The following SYCP2 variants were observed in gnomAD, a reference collection of about 807,000 sequenced individuals.
SYCP2 encodes the protein synaptonemal complex lateral element protein.
SYCP2 carries 55 observed loss-of-function variants against 211.3 expected under a neutral mutation model. The observed-to-expected ratio is 0.26, with a 90% confidence interval of 0.21 to 0.33. The LOEUF (loss-of-function observed/expected upper bound fraction) is 0.33. Ranked by LOEUF, SYCP2 falls within the 10% of genes least tolerant of loss-of-function variation. The pLI, the probability that SYCP2 is intolerant of heterozygous loss-of-function variation, is 1.00. For synonymous variants in SYCP2, 570 were observed against 555.2 expected, an observed-to-expected ratio of 1.03 and a Z score of -0.37; for missense variants, 1,731 against 1,752.0, an observed-to-expected ratio of 0.99 and a Z score of 0.21.
In SYCP2 at chr20:59,919,519, T is replaced by C. The variant is rs1326746814; in HGVS notation, c.376A>G (p.Ile126Val). Residue 126 changes from isoleucine (I) to valine (V), a missense_variant, in exon 6 of 45, where the codon ATA (isoleucine) becomes GTA (valine). Physicochemically the swap from Ile to Val is conservative, Grantham distance 29 (BLOSUM62 3). Coordinates refer to ENST00000357552, the MANE Select transcript of SYCP2 (RefSeq NM_014258.4). The stretch of plus-strand genomic sequence containing the variant: ...AGCAGAAGATCAACTAAGTCTTCTA[T>C]CATATTTAGAACAGCTTCATCTTTT... ...NSKDEAVLNM[I>V]EDLVDLLLVI... 4 of 1,605,098 alleles carry C rather than the reference T, an allele frequency of 2.5e-6. No homozygotes were observed. The highest frequency in any genetic ancestry group is 1.7e-5 in the Admixed American group (1 of 59,326).
rs530553831 is a variant in SYCP2 at position 59,870,238 on chromosome 20, T to G, written c.3556-255A>C. Among the ~76,000 whole-genome samples, 5 of 151,860 alleles carry G rather than the reference T, an allele frequency of 3.3e-5. No homozygotes were observed. The East Asian group carries it at 9.7e-4, about 29-fold the overall frequency. On this transcript the variant is annotated intron_variant, in intron 35 of 44. Coordinates refer to ENST00000357552, the MANE Select transcript of SYCP2 (RefSeq NM_014258.4). ...TATGCTCCAGAGGTCAAAGTCACCT[T>G]AACAAGAACACGAATAAGAATTTTT...
intron 15 of SYCP2, among the ~76,000 whole-genome samples, chr20:59,905,897 AGGAG>A (rs1409238492): frequency 1.3e-5 from 2 of 152,172 alleles, no homozygotes; most frequent in Non-Finnish European, 2.9e-5. Context: ...ACAAAAGGAA[AGGAG>A]GGAGGGAGTG....
chr20:59,914,017 A>G lies in SYCP2; in HGVS notation c.788T>C (p.Ile263Thr). The change falls in exon 12 of 45, where the codon ATA (isoleucine) becomes ACA (threonine). Residue 263 changes from isoleucine to threonine, a missense_variant. Transcript: ENST00000357552. ...CATGCCATTTACAAGGTTGAGAAAT[A>G]TCCTGCAATCCTAATTTTAAAGAGA... The part of the protein sequence containing the change: ...KDSEFETDCR[I>T]FLNLVNGMLG... The G allele has an allele frequency of 6.3e-7, 1 of 1,596,134 alleles. No individual in the cohort carries two copies. Among genetic ancestry groups the G allele is most frequent in the African/African-American group, 1.3e-5 (1 of 74,262 alleles).
intron 2 of SYCP2, among the ~76,000 whole-genome samples, chr20:59,926,065 G>A (rs2060628886): frequency 6.6e-6 from 1 of 151,996 alleles, no homozygotes; most frequent in Admixed American, 6.6e-5. Context: ...GAATCTGCTG[G>A]GAGACAGTCT....
intron 15 of SYCP2, among the ~76,000 whole-genome samples, chr20:59,904,315 G>A (rs527980548): frequency 1.3e-5 from 2 of 152,146 alleles, no homozygotes; most frequent in South Asian, 2.1e-4. Flanking sequence ...TAGAGTGAAC[G>A]GCTCGAGAGC....
At position 59,900,856 on chromosome 20, in the gene SYCP2, C is replaced by T. The variant is rs754250155; in HGVS notation, c.1183-38G>A. 8.7e-6 allele frequency: 12 copies of T among 1,375,714 alleles called. No homozygotes were observed. The East Asian group carries it at 2.8e-4, about 32-fold the overall frequency. The allele number at this position is 1,375,714 out of a possible 1,614,324, so 85.2% of individuals were successfully genotyped here. A position where few individuals can be genotyped will look rare whatever the true frequency, so the allele number is the denominator to read the frequency against. ...CAATTCACAGTGATGACATTTTCTT[C>T]ATTTTCTTTCCACTTTTTCATATGT... On this transcript the variant is annotated intron_variant, in intron 16 of 44. Transcript: ENST00000357552.
chr20:59,923,542 A>AT (rs967710075), intron 2 of SYCP2, among the ~76,000 whole-genome samples: 10 of 151,130 alleles, frequency 6.6e-5, no homozygotes, highest in Non-Finnish European at 7.4e-5. Flanking sequence ...CTACAAAAAA[A>AT]TTTTTTTTTA....
At chr20:59,886,489 T>C (rs975959974) in intron 25 of SYCP2, among the ~76,000 whole-genome samples, 10 of 152,014 alleles carry the variant, frequency 6.6e-5, no homozygotes, top group South Asian at 6.2e-4. Flanking sequence ...TTTGATCCTA[T>C]ATAAAATGTA....
At chr20:59,920,050 G>T (rs537489010) in intron 5 of SYCP2, among the ~76,000 whole-genome samples, 81 of 151,634 alleles carry the variant, frequency 5.3e-4, no homozygotes, top group African/African-American at 1.9e-3. Flanking sequence ...TACCCTACAT[G>T]CTAGCATGGG....
chr20:59,892,351 C>T lies in SYCP2; in HGVS notation c.2003G>A (p.Gly668Glu). 6.3e-7 allele frequency: 1 copy of T among 1,599,906 alleles called. No homozygotes were observed. The highest frequency in any genetic ancestry group is 1.1e-5 in the South Asian group (1 of 90,520). ...TTGTTCTTTCTTATATTTCACTTTT[C>T]CTGTTCCTTCAGAATTATGATCAGA... The part of the protein sequence containing the change: ...SISDHNSEGT[G>E]KVKYKKEQTD... The change falls in exon 24 of 45, where the codon GGA becomes GAA. Residue 668 changes from glycine to glutamate, a missense_variant. This residue lies in a region of SYCP2 where 1,387 missense variants were observed against 1,351.3 expected (regional missense o/e 1.03). Transcript: ENST00000357552.
intron 2 of SYCP2, among the ~76,000 whole-genome samples, chr20:59,923,997 ATT>A (rs1422123058): frequency 1.3e-5 from 2 of 151,938 alleles, no homozygotes; most frequent in African/African-American, 4.8e-5. Flanking sequence ...GCTCTGACAT[ATT>A]GACTATTTTA....
intron 10 of SYCP2, among the ~76,000 whole-genome samples, chr20:59,914,477 A>T (rs1025092566): frequency 3.3e-5 from 5 of 151,972 alleles, no homozygotes; most frequent in Admixed American, 1.3e-4. Context: ...AGTAAAATTT[A>T]AAAAAATGTT....
chr20:59,887,625 G>T (rs1193449241), intron 24 of SYCP2, among the ~76,000 whole-genome samples: 1 of 152,070 alleles, frequency 6.6e-6, no homozygotes, highest in Non-Finnish European at 1.5e-5. Context: ...CAGTGTAAAA[G>T]TGTTCCTATT....
chr20:59,932,936 G>C (rs1191333946), intron 1 of SYCP2, among the ~76,000 whole-genome samples: 3 of 152,108 alleles, frequency 2.0e-5, no homozygotes, highest in Non-Finnish European at 2.9e-5. Flanking sequence ...TTCCCTAAGT[G>C]GAACCGGCAG....
At chr20:59,889,512 C>T (rs1400394797) in intron 24 of SYCP2, among the ~76,000 whole-genome samples, 1 of 151,882 alleles carries the variant, frequency 6.6e-6, no homozygotes, top group Non-Finnish European at 1.5e-5. Context: ...TTTATATTTA[C>T]TTTTCTCTGG....
intron 2 of SYCP2, among the ~76,000 whole-genome samples, chr20:59,930,779 A>C (rs1268000140): frequency 6.6e-6 from 1 of 152,200 alleles, no homozygotes; most frequent in Non-Finnish European, 1.5e-5. Flanking sequence ...AAATTTTTTA[A>C]GGAAACAATT....
chr20:59,924,437 G>C (rs894377074), intron 2 of SYCP2, among the ~76,000 whole-genome samples: 1 of 151,928 alleles, frequency 6.6e-6, no homozygotes, highest in Non-Finnish European at 1.5e-5. Context: ...TAAAAGGGAA[G>C]AGGTAAAGTT....
chr20:59,905,435 GAAT>G (rs2060196077), intron 15 of SYCP2, among the ~76,000 whole-genome samples: 1 of 152,000 alleles, frequency 6.6e-6, no homozygotes, highest in Non-Finnish European at 1.5e-5. Context: ...GCAATAAAAA[GAAT>G]AAACTACTGA....
At chr20:59,884,441 G>T (rs748725703) in intron 26 of SYCP2, among the ~76,000 whole-genome samples, 1 of 151,994 alleles carries the variant, frequency 6.6e-6, no homozygotes, top group Non-Finnish European at 1.5e-5. Flanking sequence ...CTGTATTAAA[G>T]AAATGTACTA....
Sources: gnomAD v4.1 joint callset for allele counts (sites outside exome capture counted in the v4.1 genomes callset) on GRCh38, gnomAD v4.1.1 for gene constraint, gnomAD v4.1.1 regional missense constraint, MANE v1.5 for transcripts, NCBI Gene and HGNC (gene_info 2026-07-23, HGNC 2026-07-21) for gene names.